The following SCAPER variants were observed in gnomAD, a reference collection of about 807,000 sequenced individuals.
SCAPER encodes the protein S-phase cyclin A associated protein in the ER.
Under a neutral mutation model 182.2 loss-of-function variants are expected in SCAPER, and 98 were observed. That is an observed-to-expected ratio of 0.54 (90% CI 0.46 to 0.64). SCAPER has a LOEUF of 0.64. Ranked by LOEUF, SCAPER falls within the 30% of genes least tolerant of loss-of-function variation. The probability of loss-of-function intolerance (pLI) is 0.00; values close to 1 mark genes in which losing one functional copy is unlikely to be tolerated. For missense variants in SCAPER, 1,432 were observed against 1,690.0 expected, an observed-to-expected ratio of 0.85 and a Z score of 2.68; for synonymous variants, 605 against 564.6, an observed-to-expected ratio of 1.07 and a Z score of -1.01.
intron 21 of SCAPER, among the ~76,000 whole-genome samples, chr15:76,660,701 T>C (rs947733832): frequency 6.6e-6 from 1 of 152,164 alleles, no homozygotes; most frequent in African/African-American, 2.4e-5. Context: ...TCAAGGCTTC[T>C]GTTCTGTATT....
intron 17 of SCAPER, among the ~76,000 whole-genome samples, chr15:76,721,726 T>C (rs1423352839): frequency 1.3e-5 from 2 of 152,058 alleles, no homozygotes; most frequent in African/African-American, 2.4e-5. Flanking sequence ...GGCTCTCTGT[T>C]TGTCTGTTAT....
chr15:76,899,626 G>A (rs552930420), intron 1 of SCAPER, among the ~76,000 whole-genome samples: 440 of 152,210 alleles, frequency 2.9e-3, no homozygotes, highest in African/African-American at 0.01. Context: ...GCAGCCCATC[G>A]TCTGGGATGT....
intron 4 of SCAPER, among the ~76,000 whole-genome samples, chr15:76,848,052 T>C (rs977935920): frequency 1.3e-5 from 2 of 152,192 alleles, no homozygotes; most frequent in Non-Finnish European, 2.9e-5. Flanking sequence ...CTGTTGCCCA[T>C]GCTGGAGTGC....
At chr15:76,417,275 T>C (rs2045718913) in intron 26 of SCAPER, among the ~76,000 whole-genome samples, 1 of 152,152 alleles carries the variant, frequency 6.6e-6, no homozygotes, top group South Asian at 2.1e-4. Context: ...ATTATTTTTG[T>C]CATTGAGCAC....
intron 29 of SCAPER, among the ~76,000 whole-genome samples, chr15:76,374,381 C>T (rs1390968673): frequency 1.3e-5 from 2 of 151,792 alleles, no homozygotes; most frequent in Non-Finnish European, 2.9e-5. Context: ...GAGCAAGACA[C>T]TGTCTCAAAA....
At chr15:76,376,852 CA>C (rs1037360873) in intron 28 of SCAPER, among the ~76,000 whole-genome samples, 21 of 151,972 alleles carry the variant, frequency 1.4e-4, no homozygotes, top group Admixed American at 1.4e-3. Flanking sequence ...TGTAAAAAAA[CA>C]AAACAAAAAA....
intron 21 of SCAPER, among the ~76,000 whole-genome samples, chr15:76,641,085 T>C (rs908856529): frequency 6.6e-6 from 1 of 152,164 alleles, no homozygotes; most frequent in African/African-American, 2.4e-5. Context: ...GGTTAGGGCA[T>C]ACTCCCTTCT....
At chr15:76,872,948 T>C (rs899263366) in intron 2 of SCAPER, among the ~76,000 whole-genome samples, 10 of 151,850 alleles carry the variant, frequency 6.6e-5, no homozygotes, top group African/African-American at 2.4e-4. Flanking sequence ...TAGACTCTAG[T>C]AAGTCATTAA....
intron 26 of SCAPER, among the ~76,000 whole-genome samples, chr15:76,432,986 A>G (rs1460015110): frequency 6.6e-6 from 1 of 152,240 alleles, no homozygotes; most frequent in Non-Finnish European, 1.5e-5. Context: ...TTACTATACT[A>G]TACTATAGGT....
intron 7 of SCAPER, among the ~76,000 whole-genome samples, chr15:76,800,018 C>A (rs1413347723): frequency 6.6e-6 from 1 of 151,532 alleles, no homozygotes; most frequent in Non-Finnish European, 1.5e-5. Context: ...TTATGCAAAA[C>A]CTTCCATCAG....
intron 8 of SCAPER, among the ~76,000 whole-genome samples, chr15:76,787,140 C>T (rs2064669495): frequency 6.6e-6 from 1 of 151,900 alleles, no homozygotes; most frequent in Admixed American, 6.6e-5. Flanking sequence ...TAAGTTCATT[C>T]CAAAAATGTA....
rs560292637 is a variant in SCAPER at position 76,836,855 on chromosome 15, CAG to C, written c.393+4877_393+4878del. 6.6e-3 allele frequency among the ~76,000 whole-genome samples: 1,007 copies of C among 152,144 alleles called. 11 individuals are homozygous for C. Among genetic ancestry groups the C allele is most frequent in the African/African-American group, 0.023 (961 of 41,494 alleles). ...CACCATTGCACTCCAGCCTGGGCAACAGAGAGAGACTCCATCTCAATGAAAAA... is the reference window on the plus strand; with the variant it reads ...CACCATTGCACTCCAGCCTGGGCAACAGAGAGACTCCATCTCAATGAAAAA... On this transcript the variant is annotated intron_variant, in intron 5 of 31. Coordinates refer to ENST00000563290, the MANE Select transcript of SCAPER (RefSeq NM_020843.4).
At chr15:76,722,904 G>A (rs2060347546) in intron 17 of SCAPER, among the ~76,000 whole-genome samples, 1 of 152,008 alleles carries the variant, frequency 6.6e-6, no homozygotes, top group Non-Finnish European at 1.5e-5. Context: ...ATTTTTTGAA[G>A]GGTTTTTTTG....
intron 21 of SCAPER, among the ~76,000 whole-genome samples, chr15:76,624,221 A>C (rs2052366721): frequency 2.0e-5 from 3 of 152,238 alleles, no homozygotes; most frequent in Admixed American, 2.0e-4. Context: ...ATCAATGTAC[A>C]AAATCAGTAG....
At chr15:76,869,337 G>C (rs1003671996) in intron 2 of SCAPER, among the ~76,000 whole-genome samples, 1 of 151,654 alleles carries the variant, frequency 6.6e-6, no homozygotes, top group Admixed American at 6.6e-5. Flanking sequence ...TCCACAGAGT[G>C]GAAGAAAATA....
chr15:76,785,878 G>C (rs2064557362), intron 8 of SCAPER, among the ~76,000 whole-genome samples: 1 of 152,114 alleles, frequency 6.6e-6, no homozygotes, highest in Non-Finnish European at 1.5e-5. Flanking sequence ...GCCTGTCGTG[G>C]GGTGAGGGAC....
At chr15:76,563,904 CAAA>C (rs1230510573) in intron 23 of SCAPER, among the ~76,000 whole-genome samples, 9 of 152,088 alleles carry the variant, frequency 5.9e-5, no homozygotes, top group Non-Finnish European at 1.0e-4. Context: ...GAATTAAAGA[CAAA>C]AAACCCCCAC....
intron 15 of SCAPER, among the ~76,000 whole-genome samples, chr15:76,737,518 G>C (rs1031827449): frequency 3.9e-5 from 6 of 152,198 alleles, no homozygotes; most frequent in Non-Finnish European, 8.8e-5. Flanking sequence ...AATTCTTAAA[G>C]GGCCTAGAAT....
intron 25 of SCAPER, among the ~76,000 whole-genome samples, chr15:76,440,018 T>C (rs891571748): frequency 6.6e-6 from 1 of 152,250 alleles, no homozygotes; most frequent in African/African-American, 2.4e-5. Context: ...TACATAATCT[T>C]ATTGTAAAAT....
Sources: gnomAD v4.1 joint callset for allele counts (sites outside exome capture counted in the v4.1 genomes callset) on GRCh38, gnomAD v4.1.1 for gene constraint, MANE v1.5 for transcripts, NCBI Gene and HGNC (gene_info 2026-07-23, HGNC 2026-07-21) for gene names.